CSMD1: variants seen among roughly 807,000 people sequenced by gnomAD.
CSMD1 encodes CUB and sushi domain-containing protein 1.
In CSMD1, 213 loss-of-function variants were observed where a neutral mutation model predicts 417.5. The ratio of observed to expected loss-of-function variants is 0.51; its 90% CI spans 0.46 to 0.57. CSMD1 has a LOEUF of 0.57. Among genes scored for constraint, CSMD1 ranks in the 20% least tolerant of loss-of-function variants. The pLI, the probability that CSMD1 is intolerant of heterozygous loss-of-function variation, is 0.00. For missense variants in CSMD1, 6,923 were observed against 4,529.7 expected (o/e 1.53, Z -15.17); for synonymous variants, 2,862 against 1,736.8 (o/e 1.65, Z -16.11).
intron 3 of CSMD1, among the ~76,000 whole-genome samples, chr8:4,087,814 A>G (rs1332685864): frequency 2.0e-5 from 3 of 151,674 alleles, no homozygotes; most frequent in Admixed American, 1.3e-4. Context: ...TTTTAGCATT[A>G]TTTTCCCTTT....
At chr8:3,145,827 T>A (rs1818811600) in intron 40 of CSMD1, among the ~76,000 whole-genome samples, 1 of 152,218 alleles carries the variant, frequency 6.6e-6, no homozygotes, top group African/African-American at 2.4e-5. Context: ...TACTTACCTT[T>A]GGTGGAACTT....
chr8:3,636,665 C>G (rs1797066250), intron 7 of CSMD1, among the ~76,000 whole-genome samples: 1 of 152,200 alleles, frequency 6.6e-6, no homozygotes, highest in Admixed American at 6.5e-5. Context: ...GCTCTTCTCC[C>G]TAGTCTTGAT....
rs1197417165 is a variant in CSMD1 at position 3,801,171 on chromosome 8, T to G, written c.819-47129A>C. ...TGCAAAGGATACCACCAAGAAAAGA[T>G]AGTCCACATAATGAGAGAAAATATT... On this transcript the variant is annotated intron_variant, in intron 5 of 69. Transcript: ENST00000635120. Among the ~76,000 whole-genome samples the G allele has an allele frequency of 3.3e-5, 5 of 150,976 alleles. No homozygotes were observed. In the South Asian group the frequency reaches 1.1e-3, roughly 32 times the overall value.
chr8:4,494,943 T>G (rs919432756), intron 2 of CSMD1, among the ~76,000 whole-genome samples: 1 of 151,338 alleles, frequency 6.6e-6, no homozygotes, highest in South Asian at 2.1e-4. Flanking sequence ...ATATACATAA[T>G]TAAAAGGCAG....
intron 5 of CSMD1, among the ~76,000 whole-genome samples, chr8:3,903,058 T>A (rs995862934): frequency 5.3e-5 from 8 of 152,154 alleles, no homozygotes; most frequent in South Asian, 2.1e-4. Flanking sequence ...ACCACCTGGA[T>A]TGGATAACTG....
At chr8:3,315,985 C>G (rs1007287404) in intron 23 of CSMD1, among the ~76,000 whole-genome samples, 13 of 152,146 alleles carry the variant, frequency 8.5e-5, no homozygotes, top group South Asian at 4.1e-4. Context: ...TCTGAGACGT[C>G]TCAGTGAAAT....
intron 3 of CSMD1, among the ~76,000 whole-genome samples, chr8:4,352,491 T>G (rs1801154932): frequency 6.6e-6 from 1 of 152,168 alleles, no homozygotes; most frequent in African/African-American, 2.4e-5. Context: ...ATATTTTCAG[T>G]GAATCAAGTT....
At chr8:4,686,615 C>T (rs549051158) in intron 1 of CSMD1, among the ~76,000 whole-genome samples, 34 of 152,368 alleles carry the variant, frequency 2.2e-4, no homozygotes, top group Admixed American at 5.9e-4. Context: ...CGACGTCTGG[C>T]TACCTCTTCA....
At chr8:3,286,299 G>A (rs1419815008) in intron 25 of CSMD1, among the ~76,000 whole-genome samples, 4 of 152,130 alleles carry the variant, frequency 2.6e-5, no homozygotes, top group Non-Finnish European at 5.9e-5. Flanking sequence ...GTGTGCATGT[G>A]TCTTTATAGC....
At chr8:3,736,383 G>T (rs958609324) in intron 6 of CSMD1, among the ~76,000 whole-genome samples, 1 of 151,816 alleles carries the variant, frequency 6.6e-6, no homozygotes, top group East Asian at 1.9e-4. Flanking sequence ...CTGAGACACA[G>T]GTGCAAATCA....
At chr8:3,504,066 T>G (rs1030403320) in intron 10 of CSMD1, among the ~76,000 whole-genome samples, 1 of 152,090 alleles carries the variant, frequency 6.6e-6, no homozygotes, top group Non-Finnish European at 1.5e-5. Flanking sequence ...ATTTGCTGTG[T>G]ATTTCAAAAT....
chr8:4,808,021 C>T (rs978081943), intron 1 of CSMD1, among the ~76,000 whole-genome samples: 9 of 152,172 alleles, frequency 5.9e-5, no homozygotes, highest in Admixed American at 5.2e-4. Context: ...CCATTGCTCT[C>T]GCCCATAGAT....
At chr8:4,113,299 T>C (rs1168822546) in intron 3 of CSMD1, among the ~76,000 whole-genome samples, 1 of 149,426 alleles carries the variant, frequency 6.7e-6, no homozygotes, top group Non-Finnish European at 1.5e-5. Context: ...ATTAACTAAG[T>C]GAGAAAGACA....
intron 17 of CSMD1, among the ~76,000 whole-genome samples, chr8:3,394,361 C>A (rs1398050359): frequency 6.7e-6 from 1 of 150,064 alleles, no homozygotes; most frequent in Non-Finnish European, 1.5e-5. Context: ...TTATCATTTC[C>A]TGATTTTCCA....
At chr8:3,550,836 T>C (rs914123362) in intron 10 of CSMD1, among the ~76,000 whole-genome samples, 6 of 152,162 alleles carry the variant, frequency 3.9e-5, no homozygotes, top group Admixed American at 2.6e-4. Flanking sequence ...AGAGTAAATA[T>C]ATGGGTAAAT....
intron 3 of CSMD1, among the ~76,000 whole-genome samples, chr8:4,276,293 C>T (rs1796481697): frequency 6.6e-6 from 1 of 152,062 alleles, no homozygotes; most frequent in African/African-American, 2.4e-5. Context: ...ACTATGCAGC[C>T]ATAAAAAAGG....
intron 1 of CSMD1, among the ~76,000 whole-genome samples, chr8:4,666,850 T>C (rs1804968183): frequency 6.6e-6 from 1 of 152,168 alleles, no homozygotes; most frequent in Non-Finnish European, 1.5e-5. Flanking sequence ...CTTTATAATT[T>C]TGATGAAGTC....
intron 5 of CSMD1, among the ~76,000 whole-genome samples, chr8:3,934,383 T>TC (rs1236065596): frequency 6.6e-6 from 1 of 152,216 alleles, no homozygotes; most frequent in Non-Finnish European, 1.5e-5. Flanking sequence ...ACTGATTTTT[T>TC]CATCTTGTAT....
At chr8:3,069,996 C>T (rs1488199982) in intron 49 of CSMD1, among the ~76,000 whole-genome samples, 3 of 152,200 alleles carry the variant, frequency 2.0e-5, no homozygotes, top group Admixed American at 6.5e-5. Context: ...ATGGCTTGCA[C>T]CCTTCGGAAC....
Sources: allele counts gnomAD v4.1 joint callset (sites outside exome capture counted in the v4.1 genomes callset), GRCh38; gene constraint gnomAD v4.1.1; transcripts MANE v1.5; gene names NCBI Gene and HGNC (gene_info 2026-07-23, HGNC 2026-07-21).